DRC1: variants seen among roughly 807,000 people sequenced by gnomAD.
DRC1 encodes dynein regulatory complex subunit 1.
DRC1 carries 74 observed loss-of-function variants against 98.7 expected under a neutral mutation model. That is an observed-to-expected ratio of 0.75 (90% CI 0.62 to 0.91). The LOEUF (loss-of-function observed/expected upper bound fraction) is 0.91, where lower values mean the gene tolerates loss of function less well. Ranked by LOEUF, DRC1 falls within the 40% of genes least tolerant of loss-of-function variation. The pLI is 0.00. For synonymous variants in DRC1, 336 were observed against 334.1 expected (o/e 1.01, Z -0.06); for missense variants, 875 against 886.0 (o/e 0.99, Z 0.16).
chr2:26,427,127 A>AG (rs1447887408), intron 4 of DRC1, among the ~76,000 whole-genome samples: 3 of 151,782 alleles, frequency 2.0e-5, no homozygotes, highest in Non-Finnish European at 2.9e-5. Flanking sequence ...ATTTAATTTA[A>AG]TTTTTTTGAG....
chr2:26,408,146 G>A (rs1248517402), intron 1 of DRC1, among the ~76,000 whole-genome samples: 1 of 152,142 alleles, frequency 6.6e-6, no homozygotes, highest in Non-Finnish European at 1.5e-5. Context: ...ATCTAGAAGT[G>A]GAGGTGACAA....
At position 26,424,346 on chromosome 2, in the gene DRC1, C is replaced by A; in HGVS notation, c.432C>A (p.Gly144=). 6.2e-7 allele frequency: 1 copy of A among 1,613,778 alleles called. No homozygotes were observed. The highest frequency in any genetic ancestry group is 8.5e-7 in the Non-Finnish European group (1 of 1,179,968). The change falls in exon 4 of 17, where the codon GGC becomes GGA. Residue 144 remains glycine, a synonymous_variant. Transcript: ENST00000288710. ...FDEITSKWEE[G]KQKRIPQELW... is the part of the protein sequence containing the mutation. ...AAATCACCTCAAAGTGGGAAGAGGG[C>A]AAGCAGAAGAGAATTCCCCAAGAGC...
chr2:26,432,901 A>T (rs561125488), intron 7 of DRC1, among the ~76,000 whole-genome samples: 1 of 152,254 alleles, frequency 6.6e-6, no homozygotes, highest in Admixed American at 6.5e-5. Context: ...TTCAAATCCA[A>T]TTCTGTCTGG....
chr2:26,406,574 G>T lies in DRC1; in HGVS notation c.155+4430G>T, dbSNP rs538753491. 1.8e-4 allele frequency among the ~76,000 whole-genome samples: 28 copies of T among 152,184 alleles called. 1 individual carries two copies. In the South Asian group the frequency reaches 5.6e-3, roughly 30 times the overall value. Reference sequence around the variant, plus strand: ...AAAAGACAAAAAATTAGCCTGGCTTGGTGGCACACTCCTGTAATCCCAGCT... The same window carrying T: ...AAAAGACAAAAAATTAGCCTGGCTTTGTGGCACACTCCTGTAATCCCAGCT... On this transcript the variant is annotated intron_variant, in intron 1 of 16. Transcript: ENST00000288710.
intron 10 of DRC1, among the ~76,000 whole-genome samples, chr2:26,445,802 G>A (rs1195923887): frequency 6.6e-6 from 1 of 151,552 alleles, no homozygotes; most frequent in East Asian, 2.0e-4. Flanking sequence ...GGGACTACAG[G>A]TGCGCACTGC....
Position 26,401,956 on chromosome 2 carries a change from G to A in DRC1, c.-34G>A, listed in dbSNP as rs1223313836. 1.9e-6 allele frequency: 3 copies of A among 1,566,874 alleles called. No homozygotes were observed. Among genetic ancestry groups the A allele is most frequent in the African/African-American group, 1.4e-5 (1 of 73,986 alleles). The stretch of plus-strand genomic sequence containing the variant: ...CCAGCCTGAGGTCTGGAGGTGGTGC[G>A]GAGGGAGCCGCCTAGGGACCAGGGA... On this transcript the variant is annotated 5_prime_UTR_variant, in exon 1 of 17. Coordinates refer to ENST00000288710, the MANE Select transcript of DRC1 (RefSeq NM_145038.5).
chr2:26,422,419 C>A (rs1036634451), intron 3 of DRC1, among the ~76,000 whole-genome samples: 10 of 152,278 alleles, frequency 6.6e-5, no homozygotes, highest in Admixed American at 3.9e-4. Context: ...ATCACAAGAA[C>A]CTGCGTCAAG....
chr2:26,429,896 G>T, intron 5 of DRC1, 131 bp downstream of exon 5: 1 of 1,007,274 alleles, frequency 9.9e-7, no homozygotes, highest in East Asian at 2.6e-5. Context: ...CTGCTCTCAG[G>T]TTTTATTAAT....
At chr2:26,430,619 C>T (rs762121575) in intron 5 of DRC1, 167 bp from the exon 6 acceptor site, 2 of 760,696 alleles carry the variant, frequency 2.6e-6, no homozygotes, top group East Asian at 2.5e-5. Flanking sequence ...CATGCAGCTC[C>T]TTCCATAGCC....
intron 1 of DRC1, among the ~76,000 whole-genome samples, chr2:26,407,278 T>G (rs762344776): frequency 2.2e-4 from 33 of 152,004 alleles, no homozygotes; most frequent in Non-Finnish European, 4.1e-4. Flanking sequence ...GCAATGAAAT[T>G]GTGGATGCTG....
intron 10 of DRC1, among the ~76,000 whole-genome samples, chr2:26,445,917 C>T (rs1465336864): frequency 6.6e-6 from 1 of 152,012 alleles, no homozygotes; most frequent in African/African-American, 2.4e-5. Flanking sequence ...CTCAGCCTCC[C>T]AAAAGGCTGG....
chr2:26,432,224 C>T (rs993131085), intron 7 of DRC1, among the ~76,000 whole-genome samples: 2 of 152,116 alleles, frequency 1.3e-5, no homozygotes, highest in East Asian at 1.9e-4. Context: ...GAGCTGAGCA[C>T]GGTGGCTTAC....
In DRC1 at chr2:26,456,651, G is replaced by T; in HGVS notation, c.*134G>T. 2 of 981,280 alleles carry T rather than the reference G, an allele frequency of 2.0e-6. No individual in the cohort carries two copies. The highest frequency in any genetic ancestry group is 3.1e-5 in the South Asian group (2 of 63,552). The allele number at this position is 981,280 out of a possible 1,614,324, so 60.8% of individuals were successfully genotyped here. ...TCCAGGGCTGTCTTTATAGCCTGTC[G>T]AAATAAGGAGCCAGAGGAGTTACCT... On this transcript the variant is annotated 3_prime_UTR_variant, in exon 17 of 17. Coordinates refer to ENST00000288710, the MANE Select transcript of DRC1 (RefSeq NM_145038.5).
rs184506507 is a variant in DRC1 at position 26,444,283 on chromosome 2, G to A, written c.1090G>A (p.Glu364Lys). ...KYAKQIKQFQ[E>K]ENQSLTSDYK... is the part of the protein sequence containing the mutation. ...TGCCAAGCAAATAAAGCAGTTTCAG[G>A]AGGAGAACCAGTCTCTAACCTCGGA... Residue 364 changes from glutamate to lysine, a missense_variant, in exon 9 of 17, where the codon GAG (glutamate) becomes AAG (lysine). Glu to Lys is a moderately conservative substitution (Grantham distance 56, BLOSUM62 1). Coordinates refer to ENST00000288710, the MANE Select transcript of DRC1 (RefSeq NM_145038.5). 3 of 1,614,160 alleles carry A rather than the reference G, an allele frequency of 1.9e-6. No individual in the cohort carries two copies. The highest frequency in any genetic ancestry group is 3.3e-4 in the Middle Eastern group (2 of 6,062).
chr2:26,444,466 G>T, intron 9 of DRC1, 110 bp downstream of exon 9: 1 of 1,422,200 alleles, frequency 7.0e-7, no homozygotes, highest in Non-Finnish European at 9.4e-7. Context: ...CTATTCTGGG[G>T]CTGGACCAGG....
chr2:26,426,923 T>A (rs762351604), intron 4 of DRC1, among the ~76,000 whole-genome samples: 29 of 152,208 alleles, frequency 1.9e-4, no homozygotes, highest in Admixed American at 5.2e-4. Context: ...TTTGTTTATA[T>A]CTTCTCTGAT....
At position 26,453,441 on chromosome 2, in the gene DRC1, A is replaced by G. The variant is rs1266969793; in HGVS notation, c.1811A>G (p.Glu604Gly). The part of the protein sequence containing the change: ...MEGEKEESLV[E>G]GEKEEEEETP... ...GGAGAAAAGGAAGAAAGCCTGGTGG[A>G]AGGGGAGAAGGAGGAAGAGGAGGAG... The change falls in exon 14 of 17, where the codon GAA (glutamate) becomes GGA (glycine). Residue 604 changes from glutamate to glycine, a missense_variant. Physicochemically the swap from Glu to Gly is moderately conservative, Grantham distance 98. Transcript: ENST00000288710. The G allele has an allele frequency of 3.7e-6, 6 of 1,614,132 alleles. No individual in the cohort carries two copies. Among genetic ancestry groups the G allele is most frequent in the Admixed American group, 3.3e-5 (2 of 59,998 alleles).
chr2:26,409,194 G>C (rs933989359), intron 1 of DRC1, among the ~76,000 whole-genome samples: 1 of 151,910 alleles, frequency 6.6e-6, no homozygotes, highest in Non-Finnish European at 1.5e-5. Flanking sequence ...GCCTCCCATA[G>C]TGCTGGGATT....
At chr2:26,446,950 G>A (rs961599832) in intron 10 of DRC1, among the ~76,000 whole-genome samples, 20 of 152,054 alleles carry the variant, frequency 1.3e-4, no homozygotes, top group East Asian at 3.9e-4. Flanking sequence ...AAAATTAGCC[G>A]GTCATGGCGT....
Sources: gnomAD v4.1 joint callset for allele counts (sites outside exome capture counted in the v4.1 genomes callset) on GRCh38, gnomAD v4.1.1 for gene constraint, MANE v1.5 for transcripts, NCBI Gene and HGNC (gene_info 2026-07-23, HGNC 2026-07-21) for gene names.